Variants in DCP1A observed in about 807,000 individuals in gnomAD.
DCP1A encodes the protein mRNA-decapping enzyme 1A.
In DCP1A, 20 loss-of-function variants were observed where a neutral mutation model predicts 58.0. The ratio of observed to expected loss-of-function variants is 0.34; its 90% confidence interval spans 0.24 to 0.50. The LOEUF (loss-of-function observed/expected upper bound fraction) is 0.50. DCP1A is among the 20% of genes least tolerant of loss of function. DCP1A has a pLI of 0.98. For missense variants in DCP1A, 613 were observed against 712.2 expected, an observed-to-expected ratio of 0.86 and a Z score of 1.59; for synonymous variants, 285 against 275.1, an observed-to-expected ratio of 1.04 and a Z score of -0.36.
chr3:53,345,050 T>C, intron 1 of DCP1A, 108 bp from the exon 2 acceptor site: 1 of 879,234 alleles, frequency 1.1e-6, no homozygotes, highest in Non-Finnish European at 1.8e-6. Context: ...TTTCATTTCA[T>C]CTATTATAAA....
intron 1 of DCP1A, 124 bp downstream of exon 1, chr3:53,347,259 A>T (rs1452168645): frequency 4.9e-6 from 6 of 1,232,562 alleles, no homozygotes; most frequent in Non-Finnish European, 6.4e-6. Flanking sequence ...TCTTGGCCAG[A>T]CCCTGGCCTC....
intron 7 of DCP1A, among the ~76,000 whole-genome samples, 159 bp downstream of exon 7, chr3:53,291,910 T>G (rs1706890294): frequency 6.6e-6 from 1 of 152,222 alleles, no homozygotes; most frequent in South Asian, 2.1e-4. Flanking sequence ...TTGTTCATGA[T>G]AGGGCTTCTT....
chr3:53,327,870 C>G (rs1708155326), intron 3 of DCP1A, among the ~76,000 whole-genome samples: 1 of 152,036 alleles, frequency 6.6e-6, no homozygotes, highest in Non-Finnish European at 1.5e-5. Context: ...CGTCTGTAAT[C>G]CCAGCACTTT....
chr3:53,288,199 T>G lies in DCP1A; in HGVS notation c.1534A>C (p.Thr512Pro), dbSNP rs782275786. ...LAPSVFQQTVTRSSDLERKAS... is the reference protein window; with the variant it reads ...LAPSVFQQTVPRSSDLERKAS... ...TTCCTCTCAAGGTCCGAAGATCTTG[T>G]AACTGTCTGCTGGAAAACACTTGGG... The change falls in exon 9 of 10, where the codon ACA becomes CCA. Residue 512 changes from threonine to proline, a missense_variant. Coordinates refer to ENST00000610213, the MANE Select transcript of DCP1A (RefSeq NM_018403.7). 1.9e-6 allele frequency: 3 copies of G among 1,614,008 alleles called. No homozygotes were observed. The South Asian group carries it at 3.3e-5, about 18-fold the overall frequency.
At chr3:53,301,148 G>T (rs1707301450) in intron 6 of DCP1A, among the ~76,000 whole-genome samples, 1 of 152,126 alleles carries the variant, frequency 6.6e-6, no homozygotes, top group African/African-American at 2.4e-5. Context: ...TAAAAATGGG[G>T]TATGGGAAGG....
intron 3 of DCP1A, among the ~76,000 whole-genome samples, chr3:53,320,625 G>A (rs1454854181): frequency 6.6e-6 from 1 of 152,016 alleles, no homozygotes; most frequent in Non-Finnish European, 1.5e-5. Context: ...ACAGATCTTG[G>A]TGCCCTATAA....
intron 4 of DCP1A, 33 bp downstream of exon 4, chr3:53,319,374 T>C: frequency 2.3e-6 from 3 of 1,324,824 alleles, no homozygotes; most frequent in East Asian, 2.5e-5. Flanking sequence ...TTCTCACATA[T>C]CATCAGTTAA....
chr3:53,336,307 A>C (rs981272056), intron 3 of DCP1A, among the ~76,000 whole-genome samples: 5 of 152,014 alleles, frequency 3.3e-5, no homozygotes, highest in Non-Finnish European at 4.4e-5. Flanking sequence ...GGGTTTCACC[A>C]TGTTGGGCAG....
chr3:53,305,812 G>A (rs182452980), intron 5 of DCP1A, among the ~76,000 whole-genome samples: 118 of 151,694 alleles, frequency 7.8e-4, no homozygotes, highest in Middle Eastern at 3.4e-3. Context: ...TTTTTTTGTC[G>A]CATATGGACA....
rs1222778492 is a variant in DCP1A, at chr3:53,315,583, C to T, written c.372-3204G>A. ...GAGTTTCTGGCAGACTGGATTTCCT[C>T]TTTAGGAGAGTCAACAGCTTCTAAG... On this transcript the variant is annotated intron_variant, in intron 4 of 9. Transcript: ENST00000610213. 3.4e-5 allele frequency among the ~76,000 whole-genome samples: 5 copies of T among 147,408 alleles called. No homozygotes were observed. The East Asian group carries it at 1.0e-3, about 30-fold the overall frequency.
At chr3:53,317,123 T>C (rs1449746601) in intron 4 of DCP1A, among the ~76,000 whole-genome samples, 1 of 152,230 alleles carries the variant, frequency 6.6e-6, no homozygotes, top group East Asian at 1.9e-4. Context: ...GATTTCTGGA[T>C]AACCATGAAT....
In DCP1A at chr3:53,347,421, C is replaced by A; in HGVS notation, c.97G>T (p.Val33Phe). 6.2e-7 allele frequency: 1 copy of A among 1,613,222 alleles called. No individual in the cohort carries two copies. The highest frequency in any genetic ancestry group is 8.5e-7 in the Non-Finnish European group (1 of 1,179,528). Residue 33 changes from valine to phenylalanine, a missense_variant, in exon 1 of 10, where the codon GTC (valine) becomes TTC (phenylalanine). By Grantham distance (50) the Val-to-Phe change is conservative. This residue lies in a region of DCP1A where 65 missense variants were observed against 118.5 expected (regional missense o/e 0.55). Transcript: ENST00000610213. Reference sequence around the variant, plus strand: ...TTGGGGCAGAAGGTGTACAGAGCGACCTGGCCCGTGAGGTCTGCGATGCTG... The same window carrying A: ...TTGGGGCAGAAGGTGTACAGAGCGAACTGGCCCGTGAGGTCTGCGATGCTG... ...ITSIADLTGQ[V>F]ALYTFCPKAN...
intron 7 of DCP1A, among the ~76,000 whole-genome samples, chr3:53,291,857 C>G (rs1302738760): frequency 1.3e-5 from 2 of 152,134 alleles, no homozygotes; most frequent in Non-Finnish European, 2.9e-5. Flanking sequence ...CATACAACCC[C>G]CACTAAAGTG....
chr3:53,327,991 C>T (rs960250586), intron 3 of DCP1A, among the ~76,000 whole-genome samples: 1 of 151,970 alleles, frequency 6.6e-6, no homozygotes, highest in African/African-American at 2.4e-5. Flanking sequence ...GGCATGGTGG[C>T]GTGTGCCTGT....
At chr3:53,296,601 T>C (rs1260137794) in intron 6 of DCP1A, among the ~76,000 whole-genome samples, 1 of 152,224 alleles carries the variant, frequency 6.6e-6, no homozygotes, top group East Asian at 1.9e-4. Context: ...AAAATATACA[T>C]AAAACTTACC....
chr3:53,302,820 G>C (rs1304674003), intron 6 of DCP1A, among the ~76,000 whole-genome samples: 1 of 151,986 alleles, frequency 6.6e-6, no homozygotes, highest in South Asian at 2.1e-4. Context: ...ACGGGGTTTC[G>C]CCATGTTGGC....
rs1252783828 is a variant in DCP1A at position 53,316,954 on chromosome 3, C to A, written c.371+2453G>T. Among the ~76,000 whole-genome samples, 9 of 152,224 alleles carry A rather than the reference C, an allele frequency of 5.9e-5. No individual in the cohort carries two copies. In the South Asian group the frequency reaches 8.3e-4, roughly 14 times the overall value. On this transcript the variant is annotated intron_variant, in intron 4 of 9. Transcript: ENST00000610213. Reference sequence around the variant, plus strand: ...TTCAGCTTCATTTATCATTTGAAATCTTGCATTAGGGGTAACACTTGCCCT... The same window carrying A: ...TTCAGCTTCATTTATCATTTGAAATATTGCATTAGGGGTAACACTTGCCCT...
chr3:53,337,628 C>T (rs190336090), intron 3 of DCP1A, among the ~76,000 whole-genome samples: 31 of 152,310 alleles, frequency 2.0e-4, no homozygotes, highest in Middle Eastern at 6.8e-3. Flanking sequence ...GGCAAAGCCA[C>T]CCTCAGGGAT....
At chr3:53,333,935 T>C (rs1447952641) in intron 3 of DCP1A, among the ~76,000 whole-genome samples, 5 of 152,082 alleles carry the variant, frequency 3.3e-5, no homozygotes, top group African/African-American at 9.7e-5. Context: ...ACTTTCAACC[T>C]TTCCACGATC....
Sources: gnomAD v4.1 joint callset for allele counts (sites outside exome capture counted in the v4.1 genomes callset) on GRCh38, gnomAD v4.1.1 for gene constraint, gnomAD v4.1.1 regional missense constraint, MANE v1.5 for transcripts, NCBI Gene and HGNC (gene_info 2026-07-23, HGNC 2026-07-21) for gene names.